HDAC11: variants seen among roughly 807,000 people sequenced by gnomAD.
HDAC11 encodes histone deacetylase 11.
In HDAC11, 23 loss-of-function variants were observed where a neutral mutation model predicts 41.1. The observed-to-expected ratio is 0.56, with a 90% CI of 0.40 to 0.79. The LOEUF (loss-of-function observed/expected upper bound fraction) is 0.79, where lower values mean the gene tolerates loss of function less well. HDAC11 is among the 30% of genes least tolerant of loss of function. The probability of loss-of-function intolerance (pLI) is 0.00; values close to 1 mark genes in which losing one functional copy is unlikely to be tolerated. For missense variants in HDAC11, 402 were observed against 477.3 expected, an observed-to-expected ratio of 0.84 and a Z score of 1.47; for synonymous variants, 187 against 186.6, an observed-to-expected ratio of 1.00 and a Z score of -0.02.
At chr3:13,501,026 A>G (rs555565718) in intron 6 of HDAC11, among the ~76,000 whole-genome samples, 1 of 152,176 alleles carries the variant, frequency 6.6e-6, no homozygotes, top group East Asian at 1.9e-4. Flanking sequence ...CCAGCCTCCC[A>G]CAGAGCCAGG....
chr3:13,483,503 G>A lies in HDAC11; in HGVS notation c.191G>A (p.Arg64Gln), dbSNP rs750192895. The change falls in exon 3 of 10, where the codon CGG (arginine) becomes CAG (glutamine). Residue 64 changes from arginine (R) to glutamine (Q), a missense_variant. By Grantham distance (43) the Arg-to-Gln change is conservative. Coordinates refer to ENST00000295757, the MANE Select transcript of HDAC11 (RefSeq NM_024827.4). The stretch of plus-strand genomic sequence containing the variant: ...TCTGACAGCATGCTGGTGGAGGCGC[G>A]GGAGGCCTCGGAGGAGGACCTGCTG... ...LLSDSMLVEA[R>Q]EASEEDLLVV... 25 of 1,614,042 alleles carry A rather than the reference G, an allele frequency of 1.5e-5. No individual in the cohort carries two copies. The highest frequency in any genetic ancestry group is 3.3e-5 in the Admixed American group (2 of 60,008).
In HDAC11 at chr3:13,506,153, C is replaced by G. The variant is rs932584307; in HGVS notation, c.*1470C>G. The G allele has an allele frequency of 6.6e-6, 1 of 152,234 alleles. No homozygotes were observed. Among genetic ancestry groups the G allele is most frequent in the Non-Finnish European group, 1.5e-5 (1 of 68,056 alleles). 9.4% of individuals were successfully genotyped at this position (152,234 alleles called of 1,614,324 possible). A position where few individuals can be genotyped will look rare whatever the true frequency, so the allele number is the denominator to read the frequency against. Reference sequence around the variant, plus strand: ...TGAGATCCCTACCCTTGCCGTTGGTCTCTGTCGCTGACTCGAGGCACCTAA... The same window carrying G: ...TGAGATCCCTACCCTTGCCGTTGGTGTCTGTCGCTGACTCGAGGCACCTAA... On this transcript the variant is annotated 3_prime_UTR_variant, in exon 10 of 10. Transcript: ENST00000295757.
chr3:13,491,320 A>G (rs1701853157), intron 3 of HDAC11, among the ~76,000 whole-genome samples: 1 of 152,030 alleles, frequency 6.6e-6, no homozygotes, highest in African/African-American at 2.4e-5. Flanking sequence ...ACCATTGAGT[A>G]TAATGTCAGC....
chr3:13,480,309 C>A lies in HDAC11; in HGVS notation c.-39C>A, dbSNP rs1244207998. ...CGCGCCCCGCCCCGCCCCGCCCGGTCGCGGAGCTGCGGCCAGCTTTGGGAG... is the reference window on the plus strand; with the variant it reads ...CGCGCCCCGCCCCGCCCCGCCCGGTAGCGGAGCTGCGGCCAGCTTTGGGAG... On this transcript the variant is annotated 5_prime_UTR_variant, in exon 1 of 10. Coordinates refer to ENST00000295757, the MANE Select transcript of HDAC11 (RefSeq NM_024827.4). The surrounding 1 kb of genome is among the most constrained non-coding windows in gnomAD (Gnocchi z 4.6). The A allele has an allele frequency of 3.2e-6, 4 of 1,233,676 alleles. No homozygotes were observed. Among genetic ancestry groups the A allele is most frequent in the Non-Finnish European group, 4.0e-6 (4 of 988,854 alleles). The allele number at this position is 1,233,676 out of a possible 1,614,324, so 76.4% of individuals were successfully genotyped here.
rs1702397535 is a variant in HDAC11, at chr3:13,502,142, T to TC, written c.552+211dup. Reference sequence around the variant, plus strand: ...ATTGCTCCCGAGGGTCCTCCCTCCCTCCTCCTGACTGCCCCCACATGAGGC... The same window carrying TC: ...ATTGCTCCCGAGGGTCCTCCCTCCCTCCCTCCTGACTGCCCCCACATGAGGC... On this transcript the variant is annotated intron_variant, in intron 7 of 9. Transcript: ENST00000295757. The surrounding 1 kb of genome is among the most constrained non-coding windows in gnomAD (Gnocchi z 4.1). The TC allele has an allele frequency of 2.7e-5, 15 of 565,310 alleles. No individual in the cohort carries two copies. Among genetic ancestry groups the TC allele is most frequent in the African/African-American group, 3.7e-5 (2 of 53,420 alleles). The allele number at this position is 565,310 out of a possible 1,614,324, so 35.0% of individuals were successfully genotyped here.
chr3:13,502,211 G>A lies in HDAC11; in HGVS notation c.552+278G>A, dbSNP rs1056676332. 2.2e-6 allele frequency: 1 copy of A among 450,654 alleles called. No homozygotes were observed. Among genetic ancestry groups the A allele is most frequent in the Non-Finnish European group, 4.0e-6 (1 of 250,930 alleles). 27.9% of individuals were successfully genotyped at this position (450,654 alleles called of 1,614,324 possible). On this transcript the variant is annotated intron_variant, in intron 7 of 9. Coordinates refer to ENST00000295757, the MANE Select transcript of HDAC11 (RefSeq NM_024827.4). The surrounding 1 kb of genome is among the most constrained non-coding windows in gnomAD (Gnocchi z 4.1). ...TGATGGGACTGCTCTCGTGTGCAGAGCTCTGCTGTGGGTCCCCATTGCTTA... is the reference window on the plus strand; with the variant it reads ...TGATGGGACTGCTCTCGTGTGCAGAACTCTGCTGTGGGTCCCCATTGCTTA...
At chr3:13,486,571 GTTTTTTTTTTT>G (rs767002835) in intron 3 of HDAC11, among the ~76,000 whole-genome samples, 2 of 83,044 alleles carry the variant, frequency 2.4e-5, no homozygotes, top group Non-Finnish European at 4.4e-5. Context: ...ATGTAGAGGT[GTTTTTTTTTTT>G]TTTTTTTTTT....
chr3:13,501,698 C>A (rs1299987212), intron 6 of HDAC11, 173 bp from the exon 7 acceptor site: 2 of 724,290 alleles, frequency 2.8e-6, no homozygotes, highest in Non-Finnish European at 2.6e-6. Context: ...CATGGAGCCC[C>A]ACAGCTGGAG....
intron 3 of HDAC11, among the ~76,000 whole-genome samples, chr3:13,487,105 C>T (rs1362162289): frequency 6.6e-6 from 1 of 152,080 alleles, no homozygotes; most frequent in East Asian, 1.9e-4. Flanking sequence ...TGGACAGTCA[C>T]GAGGGGGTTT....
Position 13,500,793 on chromosome 3 carries a change from T to C in HDAC11, c.489+4T>C. On this transcript the variant is annotated splice_donor_region_variant and intron_variant, in intron 6 of 9. Transcript: ENST00000295757. Reference sequence around the variant, plus strand: ...GGACATCACGCTCGCCATCAAGGTGTGTCTATGAGCAAGTGGGGTCTCGCC... The same window carrying C: ...GGACATCACGCTCGCCATCAAGGTGCGTCTATGAGCAAGTGGGGTCTCGCC... 2 of 1,548,442 alleles carry C rather than the reference T, an allele frequency of 1.3e-6. No individual in the cohort carries two copies. The highest frequency in any genetic ancestry group is 1.4e-5 in the African/African-American group (1 of 73,346).
Position 13,480,597 on chromosome 3 carries a change from C to T in HDAC11, c.2+248C>T. 1 of 299,126 alleles carries T rather than the reference C, an allele frequency of 3.3e-6. No individual in the cohort carries two copies. The highest frequency in any genetic ancestry group is 6.6e-6 in the Non-Finnish European group (1 of 152,638). 18.5% of individuals were successfully genotyped at this position (299,126 alleles called of 1,614,324 possible). ...GGCCTGGGCCCGGACCCGGAGCGGT[C>T]GGGCGATGTGCGCGGGTCTGACGTC... is the stretch of plus-strand genomic sequence containing the variant. On this transcript the variant is annotated intron_variant, in intron 1 of 9. Coordinates refer to ENST00000295757, the MANE Select transcript of HDAC11 (RefSeq NM_024827.4). This position sits in a 1 kb window ranked among gnomAD's most constrained non-coding sequence, Gnocchi z 4.6.
At chr3:13,503,165 G>T in intron 8 of HDAC11, 185 bp downstream of exon 8, 1 of 494,644 alleles carries the variant, frequency 2.0e-6, no homozygotes, top group Non-Finnish European at 3.6e-6. Flanking sequence ...ACCCACCCAA[G>T]ATCACATAAC....
chr3:13,499,357 C>T (rs1702249409), intron 5 of HDAC11, among the ~76,000 whole-genome samples: 1 of 152,102 alleles, frequency 6.6e-6, no homozygotes. Context: ...TTAGTAGAGA[C>T]AGGGTTTCTC....
In HDAC11 at chr3:13,504,143, G is replaced by A. The variant is rs368981033; in HGVS notation, c.699G>A (p.Glu233=). ...TGGAGTGGGGCACAGAGGATGATGA[G>A]TACCTGGATAAGGTGGAGAGGAACA... ...VELEWGTEDD[E]YLDKVERNIK... Residue 233 remains glutamate (E), a synonymous_variant, in exon 9 of 10, where the codon GAG becomes GAA. Transcript: ENST00000295757. 3.2e-5 allele frequency: 51 copies of A among 1,614,004 alleles called. No individual in the cohort carries two copies. The highest frequency in any genetic ancestry group is 1.8e-5 in the Non-Finnish European group (21 of 1,180,048).
Position 13,505,630 on chromosome 3 carries a change from CT to C in HDAC11, c.*948del, listed in dbSNP as rs1444960836. 2 of 152,442 alleles carry C rather than the reference CT, an allele frequency of 1.3e-5. No homozygotes were observed. Among genetic ancestry groups the C allele is most frequent in the African/African-American group, 4.8e-5 (2 of 41,448 alleles). The allele number at this position is 152,442 out of a possible 1,614,324, so 9.4% of individuals were successfully genotyped here. A position where few individuals can be genotyped will look rare whatever the true frequency, so the allele number is the denominator to read the frequency against. ...CCAGGCCCAGGGAGGGACCCAGACA[CT>C]GGTGAGGCGGGGCAGGGGTTCCTGG... is the stretch of plus-strand genomic sequence containing the variant. On this transcript the variant is annotated 3_prime_UTR_variant, in exon 10 of 10. Transcript: ENST00000295757.
chr3:13,506,104 C>T lies in HDAC11; in HGVS notation c.*1421C>T, dbSNP rs1669488980. On this transcript the variant is annotated 3_prime_UTR_variant, in exon 10 of 10. Transcript: ENST00000295757. ...AACAATGCTGGCCTCCTGGACCAGACCCCGAGGCTCTAACAATGCACTCTG... is the reference window on the plus strand; with the variant it reads ...AACAATGCTGGCCTCCTGGACCAGATCCCGAGGCTCTAACAATGCACTCTG... The T allele has an allele frequency of 6.6e-6, 1 of 152,250 alleles. No homozygotes were observed. Among genetic ancestry groups the T allele is most frequent in the African/African-American group, 2.4e-5 (1 of 41,438 alleles). The allele number at this position is 152,250 out of a possible 1,614,324, so 9.4% of individuals were successfully genotyped here. A position where few individuals can be genotyped will look rare whatever the true frequency, so the allele number is the denominator to read the frequency against.
chr3:13,493,981 G>A (rs906884780), intron 3 of HDAC11, among the ~76,000 whole-genome samples: 4 of 152,240 alleles, frequency 2.6e-5, no homozygotes, highest in South Asian at 2.1e-4. Context: ...CTGACATCTG[G>A]GGGGAGCAAA....
At chr3:13,484,216 G>T (rs1341701446) in intron 3 of HDAC11, among the ~76,000 whole-genome samples, 1 of 152,070 alleles carries the variant, frequency 6.6e-6, no homozygotes. Context: ...TGCCCACCTC[G>T]GCCTCCCAAA....
Position 13,480,781 on chromosome 3 carries a change from C to G in HDAC11, c.2+432C>G. The G allele has an allele frequency of 2.2e-6, 1 of 453,446 alleles. No homozygotes were observed. The highest frequency in any genetic ancestry group is 4.6e-6 in the Non-Finnish European group (1 of 219,778). The allele number at this position is 453,446 out of a possible 1,614,324, so 28.1% of individuals were successfully genotyped here. On this transcript the variant is annotated intron_variant, in intron 1 of 9. Coordinates refer to ENST00000295757, the MANE Select transcript of HDAC11 (RefSeq NM_024827.4). This position sits in a 1 kb window ranked among gnomAD's most constrained non-coding sequence, Gnocchi z 4.6. Reference sequence around the variant, plus strand: ...CCCCCCGCCCTGGCTCAGGTTGGGTCCCGACTTGGGTTTCTGAGTGCTTAC... The same window carrying G: ...CCCCCCGCCCTGGCTCAGGTTGGGTGCCGACTTGGGTTTCTGAGTGCTTAC...
Sources: allele counts gnomAD v4.1 joint callset (sites outside exome capture counted in the v4.1 genomes callset), GRCh38; gene constraint gnomAD v4.1.1; non-coding constraint Gnocchi (gnomAD v3.1); transcripts MANE v1.5; gene names NCBI Gene and HGNC (gene_info 2026-07-23, HGNC 2026-07-21).